The following TCP1 variants were observed in gnomAD, a reference collection of about 807,000 sequenced individuals.
The protein encoded by TCP1 is T-complex protein 1 subunit alpha.
TCP1 carries 6 observed loss-of-function variants against 54.7 expected under a neutral mutation model. The ratio of observed to expected loss-of-function variants is 0.11; its 90% CI spans 0.06 to 0.22. TCP1 has a LOEUF of 0.22. TCP1 is among the 10% of genes least tolerant of loss of function. TCP1 has a pLI of 1.00. For missense variants in TCP1, 511 were observed against 678.2 expected, an observed-to-expected ratio of 0.75 and a Z score of 2.74; for synonymous variants, 225 against 229.7, an observed-to-expected ratio of 0.98 and a Z score of 0.19.
chr6:159,783,974 G>A lies in TCP1; in HGVS notation c.764C>T (p.Thr255Ile), dbSNP rs367998582. ...KMKLGVQVVI[T>I]DPEKLDQIRQ... The stretch of plus-strand genomic sequence containing the variant: ...AATTTGGTCCAGTTTTTCAGGGTCT[G>A]TAATGACCACCTGTACACCAAGCTT... The change falls in exon 7 of 12, where the codon ACA (threonine) becomes ATA (isoleucine). Residue 255 changes from threonine (T) to isoleucine (I), a missense_variant. Physicochemically the swap from Thr to Ile is moderately conservative, Grantham distance 89. Transcript: ENST00000321394. 2.6e-5 allele frequency: 42 copies of A among 1,611,890 alleles called. No individual in the cohort carries two copies. Among genetic ancestry groups the A allele is most frequent in the Non-Finnish European group, 3.4e-5 (40 of 1,179,870 alleles).
intron 5 of TCP1, 191 bp from the exon 6 acceptor site, chr6:159,785,038 T>C (rs1440937015): frequency 1.5e-6 from 1 of 653,422 alleles, no homozygotes; most frequent in East Asian, 2.7e-5. Context: ...ATGCTTTTTA[T>C]TACCTTTTCA....
Position 159,789,465 on chromosome 6 carries a change from C to G in TCP1, c.4G>C (p.Glu2Gln). The change falls in exon 1 of 12, where the codon GAG becomes CAG. Residue 2 changes from glutamate (E) to glutamine (Q), a missense_variant. Physicochemically the swap from Glu to Gln is conservative, Grantham distance 29 (BLOSUM62 2). Coordinates refer to ENST00000321394, the MANE Select transcript of TCP1 (RefSeq NM_030752.3). M[E>Q]GPLSVFGDRS... ...TCACCGAACACGGACAAAGGCCCCT[C>G]CATCTTGACGGCAGCGATACACGTC... The G allele has an allele frequency of 1.2e-6, 2 of 1,613,912 alleles. No individual in the cohort carries two copies. The highest frequency in any genetic ancestry group is 1.7e-6 in the Non-Finnish European group (2 of 1,179,862).
rs138527501 is a variant in TCP1 at position 159,780,266 on chromosome 6, C to T, written c.1097+177G>A. On this transcript the variant is annotated intron_variant, in intron 9 of 11. Transcript: ENST00000321394. Reference sequence around the variant, plus strand: ...ATACAGAAACAATGTCTAGTCCCTGCAGAAGAGATGAAAATGGTTACTTCA... The same window carrying T: ...ATACAGAAACAATGTCTAGTCCCTGTAGAAGAGATGAAAATGGTTACTTCA... The T allele has an allele frequency of 1.1e-5, 13 of 1,223,386 alleles. 1 individual carries two copies. Among genetic ancestry groups the T allele is most frequent in the African/African-American group, 8.9e-5 (6 of 67,548 alleles). 75.8% of individuals were successfully genotyped at this position (1,223,386 alleles called of 1,614,324 possible).
rs757583129 is a variant in TCP1, at chr6:159,780,472, A to G, written c.1068T>C (p.Ile356=). 8.1e-6 allele frequency: 13 copies of G among 1,613,894 alleles called. No homozygotes were observed. Among genetic ancestry groups the G allele is most frequent in the Non-Finnish European group, 1.1e-5 (13 of 1,179,972 alleles). ...TGATTAAGATCAGCTCATCATCACA[A>G]ATTCTCTCCTGTACCACTTCTTCTG... is the stretch of plus-strand genomic sequence containing the variant. ...GQAEEVVQER[I]CDDELILIKN... Residue 356 remains isoleucine, a synonymous_variant, in exon 9 of 12, where the codon ATT becomes ATC. Coordinates refer to ENST00000321394, the MANE Select transcript of TCP1 (RefSeq NM_030752.3).
chr6:159,783,790 C>T (rs1583140651), intron 7 of TCP1, 151 bp downstream of exon 7: 6 of 997,332 alleles, frequency 6.0e-6, no homozygotes, highest in South Asian at 3.8e-5. Context: ...ACAAAAAGGC[C>T]GATTTTCATA....
Position 159,788,075 on chromosome 6 carries a change from A to G in TCP1, c.133T>C (p.Leu45=). Residue 45 remains leucine (L), a synonymous_variant, in exon 2 of 12, where the codon TTG becomes CTG. Coordinates refer to ENST00000321394, the MANE Select transcript of TCP1 (RefSeq NM_030752.3). ...GTACTTACACCAATATCATCCACCAACATTTTATCCAAGCCAACTGGACCA... is the reference window on the plus strand; with the variant it reads ...GTACTTACACCAATATCATCCACCAGCATTTTATCCAAGCCAACTGGACCA... ...SLGPVGLDKM[L]VDDIGDVTIT... 1 of 1,614,162 alleles carries G rather than the reference A, an allele frequency of 6.2e-7. No individual in the cohort carries two copies. The highest frequency in any genetic ancestry group is 8.5e-7 in the Non-Finnish European group (1 of 1,180,030).
chr6:159,781,768 G>A (rs537406827), intron 7 of TCP1, among the ~76,000 whole-genome samples: 13 of 152,206 alleles, frequency 8.5e-5, no homozygotes, highest in Non-Finnish European at 1.5e-4. Flanking sequence ...GCAAAACTCC[G>A]TCTCAAAAAC....
intron 1 of TCP1, 24 bp downstream of exon 1, chr6:159,789,381 G>A (rs760833039): frequency 6.2e-6 from 10 of 1,612,866 alleles, no homozygotes; most frequent in African/African-American, 2.7e-5. Context: ...CCGCAAACCC[G>A]ACCCAGGCCC....
rs766302700 is a variant in TCP1, at chr6:159,779,788, C to A, written c.1293G>T (p.Gly431=). The change falls in exon 11 of 12, where the codon GGG becomes GGT. Residue 431 remains glycine (G), a splice_region_variant and synonymous_variant. Transcript: ENST00000321394. ...IYLENYATSM[G]SREQLAIAEF... ...CTGCAATCGCAAGCTGTTCCCGAGACCCCTAGGAAAAGAAGAAAATTAGGT... is the reference window on the plus strand; with the variant it reads ...CTGCAATCGCAAGCTGTTCCCGAGAACCCTAGGAAAAGAAGAAAATTAGGT... 1.9e-6 allele frequency: 3 copies of A among 1,589,620 alleles called. No individual in the cohort carries two copies. The highest frequency in any genetic ancestry group is 2.2e-5 in the East Asian group (1 of 44,802).
At chr6:159,782,517 G>C (rs1780600276) in intron 7 of TCP1, among the ~76,000 whole-genome samples, 1 of 152,206 alleles carries the variant, frequency 6.6e-6, no homozygotes, top group African/African-American at 2.4e-5. Flanking sequence ...TTTGGAGGTA[G>C]AAATCAAGCG....
At chr6:159,784,888 CAA>C (rs1323589028) in intron 5 of TCP1, 41 bp from the exon 6 acceptor site, 5 of 1,598,304 alleles carry the variant, frequency 3.1e-6, no homozygotes, top group Non-Finnish European at 3.4e-6. Context: ...TTGGAATGGA[CAA>C]AGGGTACACA....
Position 159,778,564 on chromosome 6 carries a change from A to C in TCP1, c.*481T>G. On this transcript the variant is annotated 3_prime_UTR_variant, in exon 12 of 12. Coordinates refer to ENST00000321394, the MANE Select transcript of TCP1 (RefSeq NM_030752.3). Reference sequence around the variant, plus strand: ...AATGAAAATTTGAGTTTGAAAGGGTAGCATGCTGATACATTAAGAGGAAAA... The same window carrying C: ...AATGAAAATTTGAGTTTGAAAGGGTCGCATGCTGATACATTAAGAGGAAAA... The C allele has an allele frequency of 1.6e-4, 199 of 1,255,468 alleles. No individual in the cohort carries two copies. The highest frequency in any genetic ancestry group is 2.0e-4 in the Non-Finnish European group (180 of 890,254). The allele number at this position is 1,255,468 out of a possible 1,614,324, so 77.8% of individuals were successfully genotyped here. A position where few individuals can be genotyped will look rare whatever the true frequency, so the allele number is the denominator to read the frequency against.
At chr6:159,789,296 G>T in intron 1 of TCP1, 109 bp downstream of exon 1, 2 of 1,301,952 alleles carry the variant, frequency 1.5e-6, no homozygotes, top group Non-Finnish European at 2.1e-6. Context: ...GGGCCCCGAG[G>T]CCCTTTCTGC....
intron 11 of TCP1, 64 bp downstream of exon 11, chr6:159,779,563 C>T: frequency 6.5e-7 from 1 of 1,527,270 alleles, no homozygotes; most frequent in Non-Finnish European, 8.8e-7. Context: ...ATGTAATTGA[C>T]TACTATCCTT....
At chr6:159,784,563 C>A in intron 6 of TCP1, 103 bp downstream of exon 6, 1 of 1,271,928 alleles carries the variant, frequency 7.9e-7, no homozygotes, top group Non-Finnish European at 1.1e-6. Context: ...CTCAGCCTCC[C>A]AAAGTGCTGG....
At chr6:159,785,185 CGCAACACA>C (rs1780664698) in intron 5 of TCP1, 193 bp downstream of exon 5, 1 of 611,620 alleles carries the variant, frequency 1.6e-6, no homozygotes, top group Non-Finnish European at 2.9e-6. Flanking sequence ...CACGCGTGCG[CGCAACACA>C]TGCGCACACA....
chr6:159,787,007 C>T (rs1267951244), intron 3 of TCP1, among the ~76,000 whole-genome samples: 4 of 149,214 alleles, frequency 2.7e-5, no homozygotes, highest in Non-Finnish European at 5.9e-5. Flanking sequence ...ACTACAGAGG[C>T]CGAGAAGGGA....
At chr6:159,787,659 G>A in intron 3 of TCP1, 84 bp downstream of exon 3, 1 of 1,508,998 alleles carries the variant, frequency 6.6e-7, no homozygotes, top group South Asian at 1.3e-5. Context: ...TTCTGACACA[G>A]CACAAATGAC....
rs541517977 is a variant in TCP1 at position 159,786,694 on chromosome 6, G to A, written c.280-697C>T. Among the ~76,000 whole-genome samples, 3 of 152,290 alleles carry A rather than the reference G, an allele frequency of 2.0e-5. No individual in the cohort carries two copies. In the South Asian group the frequency reaches 6.2e-4, roughly 32 times the overall value. ...GACAAAGATCATATTCATATTTTAGGAGTAGATTCCATTCTTTCATGGCTA... is the reference window on the plus strand; with the variant it reads ...GACAAAGATCATATTCATATTTTAGAAGTAGATTCCATTCTTTCATGGCTA... On this transcript the variant is annotated intron_variant, in intron 3 of 11. Transcript: ENST00000321394.
Sources: gnomAD v4.1 joint callset for allele counts (sites outside exome capture counted in the v4.1 genomes callset) on GRCh38, gnomAD v4.1.1 for gene constraint, MANE v1.5 for transcripts, NCBI Gene and HGNC (gene_info 2026-07-23, HGNC 2026-07-21) for gene names.